The following ZNF391 variants were observed in gnomAD, a reference collection of about 807,000 sequenced individuals.
The protein encoded by ZNF391 is zinc finger protein 391.
For synonymous variants in ZNF391, 126 were observed against 142.1 expected (o/e 0.89, Z 0.80); for missense variants, 375 against 425.5 (o/e 0.88, Z 1.04).
Position 27,400,341 on chromosome 6 carries a change from T to C in ZNF391, c.-30T>C, listed in dbSNP as rs1292706791. ...AAGCATCAACACCAATCAGACTGTTTCCGAAGAACTAGAGTTTTCTGGGTC... is the reference window on the plus strand; with the variant it reads ...AAGCATCAACACCAATCAGACTGTTCCCGAAGAACTAGAGTTTTCTGGGTC... On this transcript the variant is annotated 5_prime_UTR_variant, in exon 3 of 3. Transcript: ENST00000244576. 1.9e-6 allele frequency: 3 copies of C among 1,543,600 alleles called. 1 individual carries two copies. Among genetic ancestry groups the C allele is most frequent in the South Asian group, 2.5e-5 (2 of 80,218 alleles).
chr6:27,374,863 GCGC>G lies in ZNF391; in HGVS notation n.251_253del, dbSNP rs1438559406. On this transcript the variant is annotated non_coding_transcript_exon_variant, in exon 1 of 3. Transcript: ENST00000477999. This position sits in a 1 kb window ranked among gnomAD's most constrained non-coding sequence, Gnocchi z 5.3. ...AGTAGCCACAGTCGCCGCCGCTCCT[GCGC>G]CTAGAAGCCTTCCACGACCCTCAAC... 6.6e-6 allele frequency: 1 copy of G among 152,222 alleles called. No homozygotes were observed. Among genetic ancestry groups the G allele is most frequent in the East Asian group, 1.9e-4 (1 of 5,162 alleles). 9.4% of individuals were successfully genotyped at this position (152,222 alleles called of 1,614,324 possible).
chr6:27,392,673 A>G (rs575666686), intron 1 of ZNF391, among the ~76,000 whole-genome samples: 1 of 152,234 alleles, frequency 6.6e-6, no homozygotes. Flanking sequence ...AGTCAAGATC[A>G]TGCTGATAAC....
rs200824005 is a variant in ZNF391, at chr6:27,401,019, C to G, written c.649C>G (p.Gln217Glu). The G allele has an allele frequency of 6.8e-6, 11 of 1,614,160 alleles. No individual in the cohort carries two copies. The highest frequency in any genetic ancestry group is 9.3e-6 in the Non-Finnish European group (11 of 1,180,006). Residue 217 changes from glutamine to glutamate, a missense_variant, in exon 3 of 3, where the codon CAA (glutamine) becomes GAA (glutamate). By Grantham distance (29) the Gln-to-Glu change is conservative (BLOSUM62 2). Coordinates refer to ENST00000244576, the MANE Select transcript of ZNF391 (RefSeq NM_001076781.3). Reference sequence around the variant, plus strand: ...TAGTCAGCATCAGCGAACTCATACTCAAGAAAGGCCTTACAAATGTAATGA... The same window carrying G: ...TAGTCAGCATCAGCGAACTCATACTGAAGAAAGGCCTTACAAATGTAATGA... ...NLSQHQRTHTQERPYKCNECG... is the reference protein window; with the variant it reads ...NLSQHQRTHTEERPYKCNECG...
chr6:27,384,671 G>A (rs978422473), upstream of ZNF391, among the ~76,000 whole-genome samples: 1 of 152,044 alleles, frequency 6.6e-6, no homozygotes, highest in Admixed American at 6.6e-5. Context: ...TCTTCTGTAT[G>A]TGCAAAATGA....
Position 27,388,765 on chromosome 6 carries a change from GTC to G in ZNF391, c.-494_-493del. On this transcript the variant is annotated 5_prime_UTR_variant, in exon 1 of 3. Transcript: ENST00000244576. ...TGATACGTTGCTCAGTCTCAGTGTG[GTC>G]TCTGTTTTGCAACTGGTCGTCCGCG... The G allele has an allele frequency of 7.4e-6, 3 of 403,072 alleles. No individual in the cohort carries two copies. The highest frequency in any genetic ancestry group is 3.5e-5 in the South Asian group (2 of 56,390). 25.0% of individuals were successfully genotyped at this position (403,072 alleles called of 1,614,324 possible). A position where few individuals can be genotyped will look rare whatever the true frequency, so the allele number is the denominator to read the frequency against.
intron 1 of ZNF391, among the ~76,000 whole-genome samples, chr6:27,394,665 A>G (rs1158837505): frequency 4.6e-5 from 7 of 152,230 alleles, no homozygotes; most frequent in African/African-American, 1.4e-4. Context: ...GGGGGCCACC[A>G]TCCAGACCCC....
intron 1 of ZNF391, among the ~76,000 whole-genome samples, chr6:27,398,728 G>A (rs745412276): frequency 2.0e-4 from 30 of 152,182 alleles, no homozygotes; most frequent in Non-Finnish European, 3.7e-4. Flanking sequence ...GTGTGGTGGC[G>A]AGCACCTGTA....
chr6:27,397,956 A>G (rs1761865167), intron 1 of ZNF391, among the ~76,000 whole-genome samples: 2 of 152,168 alleles, frequency 1.3e-5, no homozygotes, highest in South Asian at 4.1e-4. Context: ...TTGAGATTCT[A>G]CAATAAGAAA....
Position 27,376,102 on chromosome 6 carries a change from T to C in ZNF391, n.523+965T>C, listed in dbSNP as rs957827675. Among the ~76,000 whole-genome samples, 7 of 152,208 alleles carry C rather than the reference T, an allele frequency of 4.6e-5. No homozygotes were observed. In the East Asian group the frequency reaches 9.6e-4, roughly 21 times the overall value. The stretch of plus-strand genomic sequence containing the variant: ...TTGTATGTTTCCTGCCTCCAGGCCC[T>C]ATTTTCCTGCCTCAATAATCACTCT... On this transcript the variant is annotated intron_variant and non_coding_transcript_variant, in intron 1 of 2. Transcript: ENST00000477999. This position sits in a 1 kb window ranked among gnomAD's most constrained non-coding sequence, Gnocchi z 4.7.
intron 1 of ZNF391, among the ~76,000 whole-genome samples, chr6:27,394,497 G>C (rs2113654336): frequency 6.6e-6 from 1 of 152,348 alleles, no homozygotes; most frequent in East Asian, 1.9e-4. Context: ...AGAGTTAAGA[G>C]GATGTATGAG....
chr6:27,392,074 A>C lies in ZNF391; in HGVS notation c.-188+2999A>C, dbSNP rs570201047. ...ATCAAGTCCAGCATCTTCATTTTGC[A>C]GGTGAGGAGACATAAAACCAGATTG... On this transcript the variant is annotated intron_variant, in intron 1 of 2. Transcript: ENST00000244576. Among the ~76,000 whole-genome samples, 5 of 152,304 alleles carry C rather than the reference A, an allele frequency of 3.3e-5. No individual in the cohort carries two copies. In the East Asian group the frequency reaches 7.7e-4, roughly 24 times the overall value.
chr6:27,399,196 CAAGTGTCAT>C (rs1761896166), intron 1 of ZNF391, among the ~76,000 whole-genome samples: 1 of 152,148 alleles, frequency 6.6e-6, no homozygotes, highest in African/African-American at 2.4e-5. Flanking sequence ...TCTGGAGTAA[CAAGTGTCAT>C]AAGTAATTCT....
At chr6:27,396,243 T>C (rs551862755) in intron 1 of ZNF391, among the ~76,000 whole-genome samples, 10 of 152,204 alleles carry the variant, frequency 6.6e-5, no homozygotes, top group Middle Eastern at 3.2e-3. Context: ...AGGAAAGTGA[T>C]TTATAATCGA....
chr6:27,386,251 G>T (rs140732439), upstream of ZNF391, among the ~76,000 whole-genome samples: 345 of 152,062 alleles, frequency 2.3e-3, 2 homozygotes, highest in Middle Eastern at 0.017. Context: ...ATTGCTTAAA[G>T]AAATTAAAGA....
chr6:27,379,642 C>G (rs1761467890), intron 1 of ZNF391, among the ~76,000 whole-genome samples: 1 of 152,178 alleles, frequency 6.6e-6, no homozygotes, highest in African/African-American at 2.4e-5. Context: ...TGAGTTTTAC[C>G]TCCAGGAATT....
chr6:27,382,055 G>A (rs1430548841), intron 1 of ZNF391, among the ~76,000 whole-genome samples: 6 of 101,652 alleles, frequency 5.9e-5, no homozygotes, highest in South Asian at 2.8e-4. Flanking sequence ...AAAAAAGGCC[G>A]GCTGCGTTGG....
intron 1 of ZNF391, among the ~76,000 whole-genome samples, chr6:27,375,954 A>G (rs1761411268): frequency 6.6e-6 from 1 of 152,176 alleles, no homozygotes; most frequent in African/African-American, 2.4e-5. Flanking sequence ...CCCCTAGAGG[A>G]TTCAATTGGT....
chr6:27,377,706 G>T (rs1187769937), intron 1 of ZNF391, among the ~76,000 whole-genome samples: 1 of 152,134 alleles, frequency 6.6e-6, no homozygotes, highest in Non-Finnish European at 1.5e-5. Flanking sequence ...TGACCACCTT[G>T]GGTACATGTC....
At chr6:27,396,791 A>G (rs1761835129) in intron 1 of ZNF391, among the ~76,000 whole-genome samples, 1 of 152,208 alleles carries the variant, frequency 6.6e-6, no homozygotes, top group Non-Finnish European at 1.5e-5. Context: ...GCTATGCAAA[A>G]TACTTTGTAT....
Sources: gnomAD v4.1 joint callset for allele counts (sites outside exome capture counted in the v4.1 genomes callset) on GRCh38, gnomAD v4.1.1 for gene constraint, Gnocchi (gnomAD v3.1) non-coding constraint, MANE v1.5 for transcripts, NCBI Gene and HGNC (gene_info 2026-07-23, HGNC 2026-07-21) for gene names.